ZNF556: variants seen among roughly 807,000 people sequenced by gnomAD.
ZNF556 encodes the protein zinc finger protein 556.
In ZNF556, 11 loss-of-function variants were observed where a neutral mutation model predicts 13.6. The observed-to-expected ratio is 0.81, with a 90% CI of 0.51 to 1.33. The LOEUF (loss-of-function observed/expected upper bound fraction) is 1.33, where lower values mean the gene tolerates loss of function less well. Among genes scored for constraint, ZNF556 ranks in the 40% most tolerant of loss-of-function variants. The probability of loss-of-function intolerance (pLI) is 0.00; values close to 1 mark genes in which losing one functional copy is unlikely to be tolerated. For synonymous variants in ZNF556, 229 were observed against 207.8 expected (o/e 1.10, Z -0.88); for missense variants, 633 against 566.2 (o/e 1.12, Z -1.20).
chr19:2,867,530 T>G, intron 1 of ZNF556, 106 bp downstream of exon 1: 1 of 1,483,406 alleles, frequency 6.7e-7, no homozygotes, highest in Non-Finnish European at 9.2e-7. Flanking sequence ...GGAACCCCCA[T>G]GCAGCCTCTG....
Position 2,878,624 on chromosome 19 carries a change from CGA to C in ZNF556, c.*298_*299del, listed in dbSNP as rs1269911023. On this transcript the variant is annotated 3_prime_UTR_variant, in exon 4 of 4. Coordinates refer to ENST00000307635, the MANE Select transcript of ZNF556 (RefSeq NM_024967.3). ...CCGGGAGGCGGAGCTTGCAGTGAGC[CGA>C]GATGGCACCACTGCACTCCAGCCTG... is the stretch of plus-strand genomic sequence containing the variant. 4 of 253,396 alleles carry C rather than the reference CGA, an allele frequency of 1.6e-5. No individual in the cohort carries two copies. The East Asian group carries it at 4.0e-4, about 25-fold the overall frequency. The allele number at this position is 253,396 out of a possible 1,614,324, so 15.7% of individuals were successfully genotyped here.
intron 1 of ZNF556, among the ~76,000 whole-genome samples, chr19:2,871,965 CAGAG>C (rs545770349): frequency 4.6e-5 from 7 of 151,816 alleles, no homozygotes; most frequent in South Asian, 2.1e-4. Context: ...GCAGCCGAGG[CAGAG>C]AGAGAGAGGA....
chr19:2,875,833 A>G (rs1264849498), intron 2 of ZNF556, among the ~76,000 whole-genome samples: 2 of 152,084 alleles, frequency 1.3e-5, no homozygotes, highest in Admixed American at 6.6e-5. Flanking sequence ...GCATGGTGGC[A>G]CGCACCTGTA....
chr19:2,872,651 G>C (rs535710515), intron 1 of ZNF556, among the ~76,000 whole-genome samples: 1 of 151,552 alleles, frequency 6.6e-6, no homozygotes, highest in East Asian at 1.9e-4. Context: ...CTCTTGCCTC[G>C]GCACCTGGGT....
At chr19:2,867,738 A>AATC (rs1227375570) in intron 1 of ZNF556, among the ~76,000 whole-genome samples, 1 of 142,468 alleles carries the variant, frequency 7.0e-6, no homozygotes, top group Non-Finnish European at 1.5e-5. Context: ...AAAAAAAAAA[A>AATC]CCTCACCCCA....
chr19:2,869,687 T>C (rs17605598), intron 1 of ZNF556, among the ~76,000 whole-genome samples: 6,068 of 152,244 alleles, frequency 0.04, 192 homozygotes, highest in Middle Eastern at 0.068. Context: ...CTTATGCTGC[T>C]CTTGCACAGG....
In ZNF556 at chr19:2,876,163, C is replaced by A. The variant is rs777587179; in HGVS notation, c.201C>A (p.Leu67=). 1 of 1,612,846 alleles carries A rather than the reference C, an allele frequency of 6.2e-7. No individual in the cohort carries two copies. The highest frequency in any genetic ancestry group is 8.5e-7 in the Non-Finnish European group (1 of 1,179,676). Reference sequence around the variant, plus strand: ...ATACTTCTGGAGAAAAATTATCCCTCAAACAGAAAATAGAAAAGTTCACAA... The same window carrying A: ...ATACTTCTGGAGAAAAATTATCCCTAAAACAGAAAATAGAAAAGTTCACAA... ...QQDTSGEKLS[L]KQKIEKFTRK... The change falls in exon 3 of 4, where the codon CTC becomes CTA. Residue 67 remains leucine (L), a synonymous_variant. Coordinates refer to ENST00000307635, the MANE Select transcript of ZNF556 (RefSeq NM_024967.3).
chr19:2,873,444 A>T, intron 1 of ZNF556, 52 bp from the exon 2 acceptor site: 1 of 1,602,856 alleles, frequency 6.2e-7, no homozygotes, highest in Non-Finnish European at 8.5e-7. Context: ...TCAGTTCCGC[A>T]GTGCTGTGAG....
intron 1 of ZNF556, 92 bp downstream of exon 1, chr19:2,867,516 G>A (rs1438623610): frequency 7.2e-6 from 11 of 1,532,626 alleles, no homozygotes; most frequent in African/African-American, 4.1e-5. Context: ...CGGGGGAGCC[G>A]CCCGGAACCC....
intron 1 of ZNF556, among the ~76,000 whole-genome samples, chr19:2,870,469 A>G (rs543927347): frequency 9.2e-5 from 13 of 141,126 alleles, no homozygotes; most frequent in Middle Eastern, 4.7e-3. Flanking sequence ...TTTTCTGGCC[A>G]GGCACGATGG....
intron 2 of ZNF556, among the ~76,000 whole-genome samples, chr19:2,874,662 T>C (rs1176998471): frequency 6.7e-6 from 1 of 148,964 alleles, no homozygotes; most frequent in African/African-American, 2.5e-5. Context: ...CAGAATCCCT[T>C]GAACTCGGGA....
chr19:2,882,565 T>TGTGTGTGTGAGA lies in ZNF556; in HGVS notation c.*4237_*4238insTGTGTGTGAGAG, dbSNP rs1441523569. 1.3e-5 allele frequency: 2 copies of TGTGTGTGTGAGA among 150,926 alleles called. No homozygotes were observed. Among genetic ancestry groups the TGTGTGTGTGAGA allele is most frequent in the African/African-American group, 4.9e-5 (2 of 40,470 alleles). The allele number at this position is 150,926 out of a possible 1,614,324, so 9.3% of individuals were successfully genotyped here. ...GTGTGTGTGTGTGTGTGTGTGTGTGTGAATGTGTGTGACGGAGTTTTGCTC... is the reference window on the plus strand; with the variant it reads ...GTGTGTGTGTGTGTGTGTGTGTGTGTGTGTGTGTGAGAGAATGTGTGTGACGGAGTTTTGCTC... On this transcript the variant is annotated 3_prime_UTR_variant, in exon 4 of 4. Transcript: ENST00000307635.
intron 1 of ZNF556, among the ~76,000 whole-genome samples, chr19:2,871,316 G>A (rs10401346): frequency 0.082 from 12,500 of 152,158 alleles, 1,699 homozygotes; most frequent in African/African-American, 0.29. Context: ...GATGAATACC[G>A]GATGATCTTA....
chr19:2,870,604 G>A (rs1213333171), intron 1 of ZNF556, among the ~76,000 whole-genome samples: 1 of 151,694 alleles, frequency 6.6e-6, no homozygotes, highest in Non-Finnish European at 1.5e-5. Context: ...AAAATCAGTT[G>A]GACGTGGTGG....
At position 2,879,269 on chromosome 19, in the gene ZNF556, G is replaced by C. The variant is rs73523637; in HGVS notation, c.*940G>C. On this transcript the variant is annotated 3_prime_UTR_variant, in exon 4 of 4. Coordinates refer to ENST00000307635, the MANE Select transcript of ZNF556 (RefSeq NM_024967.3). ...TTCTTGGAGGAGTGTAGTCTCGTGG[G>C]AACTATTTTTTTCATCTGTTGCTGT... 1 of 151,490 alleles carries C rather than the reference G, an allele frequency of 6.6e-6. No homozygotes were observed. The highest frequency in any genetic ancestry group is 1.5e-5 in the Non-Finnish European group (1 of 67,844). 9.4% of individuals were successfully genotyped at this position (151,490 alleles called of 1,614,324 possible).
In ZNF556 at chr19:2,880,351, T is replaced by G. The variant is rs1323165942; in HGVS notation, c.*2022T>G. On this transcript the variant is annotated 3_prime_UTR_variant, in exon 4 of 4. Coordinates refer to ENST00000307635, the MANE Select transcript of ZNF556 (RefSeq NM_024967.3). ...AAATGGATAAAATGTTTCTTAGAAA[T>G]AGCCTATTTAACTGAGTTTTTCAAA... 6.6e-6 allele frequency: 1 copy of G among 152,204 alleles called. No individual in the cohort carries two copies. The highest frequency in any genetic ancestry group is 1.5e-5 in the Non-Finnish European group (1 of 68,024). 9.4% of individuals were successfully genotyped at this position (152,204 alleles called of 1,614,324 possible). A position where few individuals can be genotyped will look rare whatever the true frequency, so the allele number is the denominator to read the frequency against.
chr19:2,871,602 A>C (rs555550847), intron 1 of ZNF556, among the ~76,000 whole-genome samples: 4 of 152,298 alleles, frequency 2.6e-5, no homozygotes, highest in African/African-American at 9.6e-5. Context: ...TCACGAGGCC[A>C]GGGGTTCGAG....
chr19:2,875,818 G>T (rs1161337153), intron 2 of ZNF556, among the ~76,000 whole-genome samples: 1 of 151,924 alleles, frequency 6.6e-6, no homozygotes, highest in African/African-American at 2.4e-5. Context: ...AAAAAAATTA[G>T]CTGGGCATGG....
Position 2,878,092 on chromosome 19 carries a change from G to A in ZNF556, c.1134G>A (p.Thr378=), listed in dbSNP as rs767743585. 36 of 1,614,124 alleles carry A rather than the reference G, an allele frequency of 2.2e-5. No homozygotes were observed. The South Asian group carries it at 2.7e-4, about 12-fold the overall frequency. ...ATAAATGTGAAACGTGTGGGAAAAC[G>A]TATGGTTGGTCCTCATCTTTACACA... is the stretch of plus-strand genomic sequence containing the variant. ...KVYKCETCGK[T]YGWSSSLHKH... is the part of the protein sequence containing the mutation. The change falls in exon 4 of 4, where the codon ACG becomes ACA. Residue 378 remains threonine (T), a synonymous_variant. Transcript: ENST00000307635.
Sources: gnomAD v4.1 joint callset for allele counts (sites outside exome capture counted in the v4.1 genomes callset) on GRCh38, gnomAD v4.1.1 for gene constraint, MANE v1.5 for transcripts, NCBI Gene and HGNC (gene_info 2026-07-23, HGNC 2026-07-21) for gene names.